SCN4A: variants seen among roughly 807,000 people sequenced by gnomAD.
SCN4A encodes sodium channel protein type 4 subunit alpha.
In SCN4A, 83 loss-of-function variants were observed where a neutral mutation model predicts 162.0. That is an observed-to-expected ratio of 0.51 (90% CI 0.43 to 0.61). The LOEUF (loss-of-function observed/expected upper bound fraction) is 0.61. SCN4A is among the 20% of genes least tolerant of loss of function. SCN4A has a pLI of 0.00. For synonymous variants in SCN4A, 944 were observed against 985.1 expected (o/e 0.96, Z 0.78); for missense variants, 2,196 against 2,462.5 (o/e 0.89, Z 2.29).
At position 63,944,631 on chromosome 17, in the gene SCN4A, G is replaced by T; in HGVS notation, c.3912+42C>A. 1.3e-6 allele frequency: 2 copies of T among 1,566,146 alleles called. No individual in the cohort carries two copies. Among genetic ancestry groups the T allele is most frequent in the Non-Finnish European group, 1.7e-6 (2 of 1,154,060 alleles). On this transcript the variant is annotated intron_variant, in intron 21 of 23. Coordinates refer to ENST00000435607, the MANE Select transcript of SCN4A (RefSeq NM_000334.4). The surrounding 1 kb of genome is among the most constrained non-coding windows in gnomAD (Gnocchi z 4.3). ...AGTGGACAAAGGAGGCAGGAGGGAGGCCCAGCACCGGGAGGGCCCGAGGGG... is the reference window on the plus strand; with the variant it reads ...AGTGGACAAAGGAGGCAGGAGGGAGTCCCAGCACCGGGAGGGCCCGAGGGG...
chr17:63,959,576 T>G, intron 11 of SCN4A, 138 bp from the exon 12 acceptor site: 2 of 748,450 alleles, frequency 2.7e-6, no homozygotes. Context: ...GGAGCAGGAG[T>G]GGCATGCATG....
chr17:63,959,197 G>T, intron 12 of SCN4A, 68 bp downstream of exon 12: 1 of 1,443,116 alleles, frequency 6.9e-7, no homozygotes. Context: ...TCCCATCCCT[G>T]TGCCCACCCT....
rs377602871 is a variant in SCN4A, at chr17:63,968,143, A to G, written c.916T>C (p.Trp306Arg). ...SNDTWYGNDT[W>R]YGNEMWYGND... Reference sequence around the variant, plus strand: ...CCGTACCACATCTCATTGCCATACCATGTGTCATTGCCGTACCACGTGTCA... The same window carrying G: ...CCGTACCACATCTCATTGCCATACCGTGTGTCATTGCCGTACCACGTGTCA... Residue 306 changes from tryptophan to arginine, a missense_variant, in exon 6 of 24, where the codon TGG becomes CGG. Physicochemically the swap from Trp to Arg is moderately radical, Grantham distance 101. Transcript: ENST00000435607. 8.7e-6 allele frequency: 14 copies of G among 1,613,774 alleles called. No individual in the cohort carries two copies. The highest frequency in any genetic ancestry group is 1.3e-5 in the African/African-American group (1 of 74,960).
rs1908804116 is a variant in SCN4A, at chr17:63,948,623, G to A, written c.3132C>T (p.Ser1044=). 1.2e-6 allele frequency: 2 copies of A among 1,613,392 alleles called. No individual in the cohort carries two copies. The highest frequency in any genetic ancestry group is 1.3e-5 in the African/African-American group (1 of 74,916). ...AGGCAGTGCCTACCAGAGCCCCACT[G>A]CTGAGCAGGATCATGAAGACAATGA... ...ETFIVFMILL[S]SGALAFEDIY... is the part of the protein sequence containing the mutation. Residue 1044 remains serine (S), a synonymous_variant, in exon 16 of 24, where the codon AGC becomes AGT. Transcript: ENST00000435607.
rs199827271 is a variant in SCN4A at position 63,951,580 on chromosome 17, C to T, written c.2697G>A (p.Leu899=). 763 of 1,613,952 alleles carry T rather than the reference C, an allele frequency of 4.7e-4. 1 individual carries two copies. Among genetic ancestry groups the T allele is most frequent in the Non-Finnish European group, 6.1e-4 (718 of 1,179,862 alleles). ...KDNHILNHMG[L]ADGPPSSLEL... is the part of the protein sequence containing the mutation. ...CGAGGCTGGATGGGGGGCCGTCAGCCAGGCCCATGTGGTTCAGGATGTGAT... is the reference window on the plus strand; with the variant it reads ...CGAGGCTGGATGGGGGGCCGTCAGCTAGGCCCATGTGGTTCAGGATGTGAT... Residue 899 remains leucine, a synonymous_variant, in exon 14 of 24, where the codon CTG becomes CTA. Coordinates refer to ENST00000435607, the MANE Select transcript of SCN4A (RefSeq NM_000334.4). The surrounding 1 kb of genome is among the most constrained non-coding windows in gnomAD (Gnocchi z 4.5).
chr17:63,948,959 A>G (rs1393254357), intron 15 of SCN4A, among the ~76,000 whole-genome samples, 194 bp from the exon 16 acceptor site: 1 of 152,136 alleles, frequency 6.6e-6, no homozygotes, highest in Non-Finnish European at 1.5e-5. Context: ...TCACAGCTGG[A>G]TCCAACATGC....
chr17:63,947,022 C>A, intron 18 of SCN4A, 23 bp downstream of exon 18: 1 of 1,591,066 alleles, frequency 6.3e-7, no homozygotes, highest in Non-Finnish European at 8.6e-7. Flanking sequence ...CCAGCCCACC[C>A]CAGAGGCCCC....
chr17:63,956,453 G>A (rs1909074349), intron 13 of SCN4A, among the ~76,000 whole-genome samples: 1 of 152,108 alleles, frequency 6.6e-6, no homozygotes, highest in Non-Finnish European at 1.5e-5. Context: ...GTCTTGCTAT[G>A]TTGCCCAGGC....
At chr17:63,969,294 C>T (rs1423508169) in intron 5 of SCN4A, among the ~76,000 whole-genome samples, 2 of 152,196 alleles carry the variant, frequency 1.3e-5, no homozygotes, top group African/African-American at 2.4e-5. Context: ...AAGGCATAAA[C>T]GATGCTGAAA....
In SCN4A at chr17:63,968,258, T is replaced by C. The variant is rs769959289; in HGVS notation, c.801A>G (p.Val267=). 3.1e-6 allele frequency: 5 copies of C among 1,614,094 alleles called. No individual in the cohort carries two copies. Among genetic ancestry groups the C allele is most frequent in the African/African-American group, 2.7e-5 (2 of 75,034 alleles). ...TVFCLSVFAL[V]GLQLFMGNLR... is the part of the protein sequence containing the mutation. ...GGTTTCCCATGAAGAGCTGCAGTCC[T>C]ACCAGCGCAAAGACGCTCAGGCAGA... Residue 267 remains valine (V), a synonymous_variant, in exon 6 of 24, where the codon GTA becomes GTG. Coordinates refer to ENST00000435607, the MANE Select transcript of SCN4A (RefSeq NM_000334.4).
intron 23 of SCN4A, among the ~76,000 whole-genome samples, chr17:63,942,463 C>T (rs1045056961): frequency 6.6e-6 from 1 of 152,224 alleles, no homozygotes; most frequent in Non-Finnish European, 1.5e-5. Context: ...ACCTGTCAAG[C>T]GCACAGCACA....
In SCN4A at chr17:63,943,025, G is replaced by T; in HGVS notation, c.4089C>A (p.Ile1363=). 1 of 1,613,958 alleles carries T rather than the reference G, an allele frequency of 6.2e-7. No individual in the cohort carries two copies. Among genetic ancestry groups the T allele is most frequent in the East Asian group, 2.2e-5 (1 of 44,880 alleles). Residue 1363 remains isoleucine (I), a synonymous_variant, in exon 23 of 24, where the codon ATC becomes ATA. Transcript: ENST00000435607. Reference sequence around the variant, plus strand: ...CCATCATGGTGACCATGTTGAGGCAGATGAGGATCATGATGGTGATGTCGA... The same window carrying T: ...CCATCATGGTGACCATGTTGAGGCATATGAGGATCATGATGGTGATGTCGA... The part of the protein sequence containing the change: ...QAFDITIMIL[I]CLNMVTMMVE...
chr17:63,946,467 C>CA (rs1555601565), intron 18 of SCN4A, among the ~76,000 whole-genome samples: 1 of 126,946 alleles, frequency 7.9e-6, no homozygotes, highest in Admixed American at 7.3e-5. Context: ...TTCTTGCCCC[C>CA]CCCCCCACCC....
chr17:63,961,392 T>C lies in SCN4A; in HGVS notation c.1646A>G (p.Tyr549Cys). 1 of 1,613,802 alleles carries C rather than the reference T, an allele frequency of 6.2e-7. No individual in the cohort carries two copies. Among genetic ancestry groups the C allele is most frequent in the Non-Finnish European group, 8.5e-7 (1 of 1,179,792 alleles). The part of the protein sequence containing the change: ...EAHQKCPPWW[Y>C]KCAHKVLIWN... ...TATGAGCACTTTGTGGGCGCACTTG[T>C]ACCACCATGGTGGGCACTTTTGGTG... Residue 549 changes from tyrosine (Y) to cysteine (C), a missense_variant, in exon 11 of 24, where the codon TAC (tyrosine) becomes TGC (cysteine). Physicochemically the swap from Tyr to Cys is radical, Grantham distance 194. Coordinates refer to ENST00000435607, the MANE Select transcript of SCN4A (RefSeq NM_000334.4).
chr17:63,966,528 C>T lies in SCN4A; in HGVS notation c.1053G>A (p.Leu351=). 6.2e-7 allele frequency: 1 copy of T among 1,613,836 alleles called. No individual in the cohort carries two copies. Among genetic ancestry groups the T allele is most frequent in the Non-Finnish European group, 8.5e-7 (1 of 1,179,834 alleles). ...AGAGCAGGGCATCGTTGGAGCCCTC[C>T]AGGAAGTAGAAGTTCCCTTTGGGAG... ...YISDEGNFYF[L]EGSNDALLCG... The change falls in exon 7 of 24, where the codon CTG becomes CTA. Residue 351 remains leucine, a synonymous_variant. Transcript: ENST00000435607.
At chr17:63,946,363 G>C (rs1434017300) in intron 18 of SCN4A, among the ~76,000 whole-genome samples, 4 of 152,202 alleles carry the variant, frequency 2.6e-5, no homozygotes, top group East Asian at 3.9e-4. Flanking sequence ...GGCCGCTTGG[G>C]GGGGCTCGCC....
intron 6 of SCN4A, among the ~76,000 whole-genome samples, chr17:63,967,637 A>G (rs1304866241): frequency 6.6e-6 from 1 of 151,824 alleles, no homozygotes; most frequent in African/African-American, 2.4e-5. Flanking sequence ...TTGTCTCATA[A>G]GAAGTGGAGA....
At chr17:63,949,942 G>A (rs1044283649) in intron 14 of SCN4A, among the ~76,000 whole-genome samples, 75 of 152,264 alleles carry the variant, frequency 4.9e-4, no homozygotes, top group African/African-American at 1.6e-3. Context: ...GAACATGGGC[G>A]TGTGGTGCCC....
chr17:63,949,571 GACCCCCT>G (rs1567820027), intron 14 of SCN4A, 43 bp from the exon 15 acceptor site: 4 of 1,556,986 alleles, frequency 2.6e-6, no homozygotes, highest in Non-Finnish European at 3.5e-6. Context: ...GTCCCTGAGA[GACCCCCT>G]CATCCTCCTA....
Sources: allele counts gnomAD v4.1 joint callset (sites outside exome capture counted in the v4.1 genomes callset), GRCh38; gene constraint gnomAD v4.1.1; non-coding constraint Gnocchi (gnomAD v3.1); transcripts MANE v1.5; gene names NCBI Gene and HGNC (gene_info 2026-07-23, HGNC 2026-07-21).